The following PRKD1 variants were observed in gnomAD, a reference collection of about 807,000 sequenced individuals.
PRKD1 encodes protein kinase D1.
A neutral mutation model predicts 95.9 loss-of-function variants in PRKD1; 63 were observed. The ratio of observed to expected loss-of-function variants is 0.66; its 90% CI spans 0.54 to 0.81. The LOEUF (loss-of-function observed/expected upper bound fraction) is 0.81. Among genes scored for constraint, PRKD1 ranks in the 30% least tolerant of loss-of-function variants. PRKD1 has a pLI of 0.00. For missense variants in PRKD1, 1,048 were observed against 1,165.3 expected, an observed-to-expected ratio of 0.90 and a Z score of 1.47; for synonymous variants, 425 against 423.1, an observed-to-expected ratio of 1.00 and a Z score of -0.05.
At chr14:29,642,793 A>G (rs1331715146) in intron 4 of PRKD1, among the ~76,000 whole-genome samples, 2 of 152,114 alleles carry the variant, frequency 1.3e-5, no homozygotes, top group Non-Finnish European at 2.9e-5. Flanking sequence ...CGTCAACACT[A>G]TTGAAGGTTT....
At chr14:29,808,373 C>CTTTTGTTTTTTTTTTTT (rs1890332670) in intron 1 of PRKD1, among the ~76,000 whole-genome samples, 1 of 19,974 alleles carries the variant, frequency 5.0e-5, no homozygotes, top group Non-Finnish European at 1.1e-4. Flanking sequence ...TCAGGCTCTA[C>CTTTTGTTTTTTTTTTTT]TTTTTTTTTT....
At chr14:29,630,701 C>A (rs1394368930) in intron 10 of PRKD1, 41 bp downstream of exon 10, 1 of 1,612,736 alleles carries the variant, frequency 6.2e-7, no homozygotes, top group Non-Finnish European at 8.5e-7. Flanking sequence ...GGGGTAGGCA[C>A]ATGATGAGCT....
intron 1 of PRKD1, among the ~76,000 whole-genome samples, chr14:29,774,929 GT>G (rs1265527350): frequency 6.6e-6 from 1 of 152,128 alleles, no homozygotes; most frequent in Admixed American, 6.5e-5. Flanking sequence ...CAGGGGAGAG[GT>G]TGGAAAACCA....
intron 4 of PRKD1, among the ~76,000 whole-genome samples, chr14:29,661,000 T>C (rs1458898324): frequency 6.6e-6 from 1 of 152,196 alleles, no homozygotes; most frequent in Non-Finnish European, 1.5e-5. Flanking sequence ...GTTTTATGGA[T>C]AGCATAATGG....
intron 1 of PRKD1, among the ~76,000 whole-genome samples, chr14:29,742,753 C>G (rs1280910003): frequency 1.3e-5 from 2 of 152,108 alleles, no homozygotes; most frequent in Admixed American, 6.5e-5. Context: ...TATAATCGAT[C>G]AATATATATC....
chr14:29,826,474 A>C (rs547104803), intron 1 of PRKD1, among the ~76,000 whole-genome samples: 3 of 123,822 alleles, frequency 2.4e-5, no homozygotes, highest in African/African-American at 9.5e-5. Context: ...ATATATACAT[A>C]TATATGATGG....
chr14:29,849,003 A>G (rs1892191664), intron 1 of PRKD1, among the ~76,000 whole-genome samples: 1 of 152,236 alleles, frequency 6.6e-6, no homozygotes, highest in South Asian at 2.1e-4. Flanking sequence ...CCAATCCCAG[A>G]GAAATACAAA....
At chr14:29,671,328 A>G (rs1410026012) in intron 2 of PRKD1, among the ~76,000 whole-genome samples, 1 of 152,156 alleles carries the variant, frequency 6.6e-6, no homozygotes, top group East Asian at 1.9e-4. Flanking sequence ...CAACAGCAGA[A>G]GGACCAGCAC....
chr14:29,826,651 A>ACG (rs1555348458), intron 1 of PRKD1, among the ~76,000 whole-genome samples: 6 of 39,890 alleles, frequency 1.5e-4, no homozygotes, highest in African/African-American at 7.4e-4. Flanking sequence ...GTGTATATAT[A>ACG]TGTGTGTGTG....
chr14:29,726,702 T>C (rs982085008), intron 1 of PRKD1, among the ~76,000 whole-genome samples: 4 of 151,974 alleles, frequency 2.6e-5, no homozygotes, highest in African/African-American at 9.7e-5. Flanking sequence ...TAAAAATAAA[T>C]ATAATGAGAA....
At chr14:29,859,049 TACTA>T (rs1265689095) in intron 1 of PRKD1, among the ~76,000 whole-genome samples, 2 of 152,204 alleles carry the variant, frequency 1.3e-5, no homozygotes, top group African/African-American at 2.4e-5. Context: ...AAGCAGGTCA[TACTA>T]ACTGTTATAA....
intron 16 of PRKD1, among the ~76,000 whole-genome samples, chr14:29,595,834 T>C (rs1386528161): frequency 6.6e-6 from 1 of 152,206 alleles, no homozygotes; most frequent in Non-Finnish European, 1.5e-5. Flanking sequence ...GATAACAGGA[T>C]CAAGTTATTT....
chr14:29,772,868 A>T (rs572606242), intron 1 of PRKD1, among the ~76,000 whole-genome samples: 2 of 152,326 alleles, frequency 1.3e-5, no homozygotes, highest in East Asian at 3.9e-4. Flanking sequence ...TAGAACGCAC[A>T]ACTGATAACA....
rs577360129 is a variant in PRKD1 at position 29,713,880 on chromosome 14, T to C, written c.403+11656A>G. Among the ~76,000 whole-genome samples the C allele has an allele frequency of 2.6e-5, 4 of 152,316 alleles. No homozygotes were observed. The East Asian group carries it at 7.7e-4, about 29-fold the overall frequency. On this transcript the variant is annotated intron_variant, in intron 2 of 17. Coordinates refer to ENST00000331968, the MANE Select transcript of PRKD1 (RefSeq NM_002742.3). Reference sequence around the variant, plus strand: ...GTATTCAAACACTAAATAATTTTCCTAATGCCACACAGCTAGTAAACGTGG... The same window carrying C: ...GTATTCAAACACTAAATAATTTTCCCAATGCCACACAGCTAGTAAACGTGG...
At chr14:29,667,393 T>C (rs1349656829) in intron 2 of PRKD1, among the ~76,000 whole-genome samples, 1 of 152,186 alleles carries the variant, frequency 6.6e-6, no homozygotes, top group Non-Finnish European at 1.5e-5. Flanking sequence ...ACTGAGGCCT[T>C]CAATATATTC....
intron 1 of PRKD1, among the ~76,000 whole-genome samples, chr14:29,905,660 T>C (rs35985349): frequency 0.025 from 3,877 of 152,280 alleles, 77 homozygotes; most frequent in Non-Finnish European, 0.043. Context: ...ATCACTACTG[T>C]TCCACCTCCC....
intron 1 of PRKD1, among the ~76,000 whole-genome samples, chr14:29,781,288 T>G (rs890340984): frequency 2.0e-5 from 3 of 152,038 alleles, no homozygotes; most frequent in African/African-American, 7.3e-5. Flanking sequence ...TAAAGTACAA[T>G]GATAATAATA....
intron 13 of PRKD1, among the ~76,000 whole-genome samples, chr14:29,614,082 T>A (rs900857826): frequency 1.3e-5 from 2 of 152,226 alleles, no homozygotes; most frequent in African/African-American, 2.4e-5. Context: ...TTTGCTTTCA[T>A]GATGATTTTT....
At chr14:29,818,347 T>C (rs371186149) in intron 1 of PRKD1, among the ~76,000 whole-genome samples, 1 of 152,218 alleles carries the variant, frequency 6.6e-6, no homozygotes, top group Non-Finnish European at 1.5e-5. Flanking sequence ...TTATTTAATT[T>C]GATGCTAATT....
Sources: allele counts gnomAD v4.1 joint callset (sites outside exome capture counted in the v4.1 genomes callset), GRCh38; gene constraint gnomAD v4.1.1; transcripts MANE v1.5; gene names NCBI Gene and HGNC (gene_info 2026-07-23, HGNC 2026-07-21).